Variants in RAP1GAP observed in about 807,000 individuals in gnomAD.
RAP1GAP encodes rap1 GTPase-activating protein 1.
Under a neutral mutation model 87.2 loss-of-function variants are expected in RAP1GAP, and 35 were observed. That is an observed-to-expected ratio of 0.40 (90% CI 0.31 to 0.53). The LOEUF is 0.53. Among genes scored for constraint, RAP1GAP ranks in the 20% least tolerant of loss-of-function variants. The pLI is 0.48. For missense variants in RAP1GAP, 734 were observed against 898.9 expected, an observed-to-expected ratio of 0.82 and a Z score of 2.35; for synonymous variants, 375 against 363.9, an observed-to-expected ratio of 1.03 and a Z score of -0.35.
Position 21,613,830 on chromosome 1 carries a change from G to A in RAP1GAP, c.396-124C>T, listed in dbSNP as rs1238181236. 8.5e-6 allele frequency: 10 copies of A among 1,172,272 alleles called. No individual in the cohort carries two copies. The highest frequency in any genetic ancestry group is 1.3e-5 in the South Asian group (1 of 79,186). 72.6% of individuals were successfully genotyped at this position (1,172,272 alleles called of 1,614,324 possible). A position where few individuals can be genotyped will look rare whatever the true frequency, so the allele number is the denominator to read the frequency against. ...GCGAGGACCAGAGGTGATGATGGGT[G>A]TCAGGCTGACTCGGGTACTAACTTG... On this transcript the variant is annotated intron_variant, in intron 8 of 24. Coordinates refer to ENST00000374765, the MANE Select transcript of RAP1GAP (RefSeq NM_002885.4). The surrounding 1 kb of genome is among the most constrained non-coding windows in gnomAD (Gnocchi z 4.7).
rs1400463575 is a variant in RAP1GAP, at chr1:21,613,272, G to A, written c.475-43C>T. 1.3e-6 allele frequency: 2 copies of A among 1,513,450 alleles called. No homozygotes were observed. Among genetic ancestry groups the A allele is most frequent in the Admixed American group, 1.7e-5 (1 of 59,856 alleles). 93.8% of individuals were successfully genotyped at this position (1,513,450 alleles called of 1,614,324 possible). ...GGAGGGGTGTGAGGTGTGGGGCCAG[G>A]GAGGAGAGGATGGGGCTGCCTGGGC... On this transcript the variant is annotated intron_variant, in intron 9 of 24. Coordinates refer to ENST00000374765, the MANE Select transcript of RAP1GAP (RefSeq NM_002885.4). This position sits in a 1 kb window ranked among gnomAD's most constrained non-coding sequence, Gnocchi z 4.7.
Position 21,613,054 on chromosome 1 carries a change from A to T in RAP1GAP, c.528+122T>A. On this transcript the variant is annotated intron_variant, in intron 10 of 24. Transcript: ENST00000374765. The surrounding 1 kb of genome is among the most constrained non-coding windows in gnomAD (Gnocchi z 4.7). ...TGCAAATTGTGGACTTCACAGGGTT[A>T]TTGTGAGGATTAAATGAGAGAACCT... 2 of 1,082,162 alleles carry T rather than the reference A, an allele frequency of 1.8e-6. No homozygotes were observed. The highest frequency in any genetic ancestry group is 1.3e-5 in the South Asian group (1 of 74,510). 67.0% of individuals were successfully genotyped at this position (1,082,162 alleles called of 1,614,324 possible).
chr1:21,668,726 G>C lies in RAP1GAP; in HGVS notation c.-149+528C>G, dbSNP rs1327254687. Reference sequence around the variant, plus strand: ...TCTGCCGCGGGGGTCAGGGACAGGGGAATGCGTCCTGTCTCTGGGGATGCA... The same window carrying C: ...TCTGCCGCGGGGGTCAGGGACAGGGCAATGCGTCCTGTCTCTGGGGATGCA... On this transcript the variant is annotated intron_variant, in intron 1 of 24. Coordinates refer to ENST00000374765, the MANE Select transcript of RAP1GAP (RefSeq NM_002885.4). The surrounding 1 kb of genome is among the most constrained non-coding windows in gnomAD (Gnocchi z 6.2). 1.3e-5 allele frequency: 2 copies of C among 152,188 alleles called. No homozygotes were observed. Among genetic ancestry groups the C allele is most frequent in the Non-Finnish European group, 2.9e-5 (2 of 68,078 alleles). 9.4% of individuals were successfully genotyped at this position (152,188 alleles called of 1,614,324 possible).
At position 21,668,125 on chromosome 1, in the gene RAP1GAP, A is replaced by G. The variant is rs1173664225; in HGVS notation, c.-149+1129T>C. ...CAACCTTCCCCAGTGCCCCAACCAT[A>G]GCGTTTTCCCCCAAACACCCTCAGG... On this transcript the variant is annotated intron_variant, in intron 1 of 24. Transcript: ENST00000374765. This position sits in a 1 kb window ranked among gnomAD's most constrained non-coding sequence, Gnocchi z 6.2. 6.6e-6 allele frequency among the ~76,000 whole-genome samples: 1 copy of G among 152,092 alleles called. No homozygotes were observed. Among genetic ancestry groups the G allele is most frequent in the Non-Finnish European group, 1.5e-5 (1 of 68,002 alleles).
At chr1:21,638,525 T>C (rs1472767366) in intron 2 of RAP1GAP, among the ~76,000 whole-genome samples, 1 of 150,936 alleles carries the variant, frequency 6.6e-6, no homozygotes, top group Non-Finnish European at 1.5e-5. Flanking sequence ...CCAAAAGCCC[T>C]CAGAATTTTG....
Position 21,599,543 on chromosome 1 carries a change from G to A in RAP1GAP, c.1727C>T (p.Ala576Val). The A allele has an allele frequency of 1.2e-6, 2 of 1,609,810 alleles. No homozygotes were observed. The highest frequency in any genetic ancestry group is 1.7e-6 in the Non-Finnish European group (2 of 1,179,982). ...SRSSSSASSF[A>V]SVVEETEGVD... is the part of the protein sequence containing the mutation. Reference sequence around the variant, plus strand: ...ACCCTCCGTCTCCTCCACCACGCTGGCGAAGCTGCTGGCACTGGACGAGGA... The same window carrying A: ...ACCCTCCGTCTCCTCCACCACGCTGACGAAGCTGCTGGCACTGGACGAGGA... The change falls in exon 21 of 25, where the codon GCC becomes GTC. Residue 576 changes from alanine to valine, a missense_variant. Transcript: ENST00000374765.
intron 18 of RAP1GAP, among the ~76,000 whole-genome samples, chr1:21,605,505 A>G (rs2073817551): frequency 6.6e-6 from 1 of 151,902 alleles, no homozygotes; most frequent in African/African-American, 2.4e-5. Flanking sequence ...CGCACACAGT[A>G]GGCGCTCACA....
At chr1:21,624,892 G>T (rs1348351773) in intron 3 of RAP1GAP, among the ~76,000 whole-genome samples, 7 of 152,140 alleles carry the variant, frequency 4.6e-5, no homozygotes, top group Non-Finnish European at 8.8e-5. Flanking sequence ...CCCAGGGAGG[G>T]GAAGCTGTGG....
Position 21,617,482 on chromosome 1 carries a change from G to T in RAP1GAP, c.115C>A (p.Arg39=). ...PYPSVHEVLG[R]EGPFPLILLP... is the part of the protein sequence containing the mutation. ...AGGATGAGGGGGAAGGGTCCTTCTCGCCCCAAGACCTGAAGAGGGACTCAG... is the reference window on the plus strand; with the variant it reads ...AGGATGAGGGGGAAGGGTCCTTCTCTCCCCAAGACCTGAAGAGGGACTCAG... Residue 39 remains arginine, a synonymous_variant, in exon 7 of 25, where the codon CGA becomes AGA. Transcript: ENST00000374765. The T allele has an allele frequency of 6.3e-7, 1 of 1,597,440 alleles. No homozygotes were observed. Among genetic ancestry groups the T allele is most frequent in the Non-Finnish European group, 8.5e-7 (1 of 1,172,408 alleles).
chr1:21,626,322 A>C lies in RAP1GAP; in HGVS notation c.-37T>G. 6.2e-6 allele frequency: 10 copies of C among 1,609,622 alleles called. No homozygotes were observed. Among genetic ancestry groups the C allele is most frequent in the Non-Finnish European group, 8.5e-6 (10 of 1,176,082 alleles). ...CACTTACCTTAGGGTAGAGTGAAGG[A>C]GTATAGGAGGGAACTAAGTTCACTC... On this transcript the variant is annotated 5_prime_UTR_variant, in exon 3 of 25. Transcript: ENST00000374765.
intron 3 of RAP1GAP, among the ~76,000 whole-genome samples, chr1:21,624,130 G>T (rs920378952): frequency 3.3e-5 from 5 of 152,188 alleles, no homozygotes; most frequent in Admixed American, 2.6e-4. Flanking sequence ...TGGGTAGGCT[G>T]TGTATGTACG....
At chr1:21,624,906 G>C (rs1276076808) in intron 3 of RAP1GAP, among the ~76,000 whole-genome samples, 1 of 152,156 alleles carries the variant, frequency 6.6e-6, no homozygotes, top group Admixed American at 6.5e-5. Context: ...GCTGTGGTCC[G>C]AGGGCATACA....
At chr1:21,651,681 A>AC in intron 1 of RAP1GAP, 6 of 898,828 alleles carry the variant, frequency 6.7e-6, no homozygotes, top group Non-Finnish European at 1.0e-5. Context: ...GCCCAGGCCC[A>AC]CCCGCCCAAA....
intron 5 of RAP1GAP, 47 bp downstream of exon 5, chr1:21,618,977 AC>A (rs773770692): frequency 2.1e-5 from 33 of 1,542,282 alleles, no homozygotes; most frequent in Admixed American, 5.6e-5. Context: ...CACTTCCCGG[AC>A]CCCCTCCACC....
chr1:21,600,418 A>G (rs2067178140), intron 20 of RAP1GAP, among the ~76,000 whole-genome samples: 1 of 152,120 alleles, frequency 6.6e-6, no homozygotes, highest in South Asian at 2.1e-4. Context: ...AGAGCCCAAC[A>G]CAGAGGCAGC....
Position 21,669,140 on chromosome 1 carries a change from C to A in RAP1GAP, c.-149+114G>T. On this transcript the variant is annotated intron_variant, in intron 1 of 24. Transcript: ENST00000374765. The surrounding 1 kb of genome is among the most constrained non-coding windows in gnomAD (Gnocchi z 5.6). Reference sequence around the variant, plus strand: ...ACCCGGGTCCCCCACGCGTTCGCCCCCACCCTCCGTCCCCGCCCGCCCGCG... The same window carrying A: ...ACCCGGGTCCCCCACGCGTTCGCCCACACCCTCCGTCCCCGCCCGCCCGCG... 8.8e-7 allele frequency: 1 copy of A among 1,137,562 alleles called. No homozygotes were observed. Among genetic ancestry groups the A allele is most frequent in the Non-Finnish European group, 1.1e-6 (1 of 904,628 alleles). 70.5% of individuals were successfully genotyped at this position (1,137,562 alleles called of 1,614,324 possible).
At chr1:21,625,023 C>T (rs2091313763) in intron 3 of RAP1GAP, among the ~76,000 whole-genome samples, 2 of 152,208 alleles carry the variant, frequency 1.3e-5, no homozygotes, top group South Asian at 4.1e-4. Flanking sequence ...TTGAGTCTCT[C>T]CCTTCCTGCC....
intron 4 of RAP1GAP, among the ~76,000 whole-genome samples, 154 bp from the exon 5 acceptor site, chr1:21,619,226 C>T (rs2084754697): frequency 6.6e-6 from 1 of 152,160 alleles, no homozygotes; most frequent in Non-Finnish European, 1.5e-5. Flanking sequence ...GGGCCCTGGG[C>T]CTGTCTGAAG....
At chr1:21,633,617 G>A (rs1386862083) in intron 2 of RAP1GAP, among the ~76,000 whole-genome samples, 2 of 152,094 alleles carry the variant, frequency 1.3e-5, no homozygotes, top group Non-Finnish European at 2.9e-5. Context: ...CTGCACACAG[G>A]CTGGGAGACC....
Sources: gnomAD v4.1 joint callset for allele counts (sites outside exome capture counted in the v4.1 genomes callset) on GRCh38, gnomAD v4.1.1 for gene constraint, Gnocchi (gnomAD v3.1) non-coding constraint, MANE v1.5 for transcripts, NCBI Gene and HGNC (gene_info 2026-07-23, HGNC 2026-07-21) for gene names.